PTPRQ: variants seen among roughly 807,000 people sequenced by gnomAD.
The protein encoded by PTPRQ is phosphatidylinositol phosphatase PTPRQ.
In PTPRQ, 199 loss-of-function variants were observed where a neutral mutation model predicts 246.0. The ratio of observed to expected loss-of-function variants is 0.81; its 90% CI spans 0.72 to 0.91. The LOEUF is 0.91. PTPRQ is among the 40% of genes least tolerant of loss of function. PTPRQ has a pLI of 0.00. For missense variants in PTPRQ, 2,624 were observed against 2,528.4 expected (o/e 1.04, Z -0.81); for synonymous variants, 869 against 853.2 (o/e 1.02, Z -0.32).
At chr12:80,602,358 G>A (rs149022069) in intron 26 of PTPRQ, among the ~76,000 whole-genome samples, 5 of 151,906 alleles carry the variant, frequency 3.3e-5, no homozygotes, top group Admixed American at 2.0e-4. Context: ...CTTATTCACA[G>A]TTTAAAGATT....
intron 39 of PTPRQ, among the ~76,000 whole-genome samples, chr12:80,662,080 A>G (rs1416936755): frequency 6.6e-6 from 1 of 151,940 alleles, no homozygotes; most frequent in African/African-American, 2.4e-5. Context: ...TTAATGAAAT[A>G]CCTTATCTTC....
At chr12:80,645,301 A>G (rs919121049) in intron 35 of PTPRQ, among the ~76,000 whole-genome samples, 7 of 149,190 alleles carry the variant, frequency 4.7e-5, no homozygotes, top group Admixed American at 1.5e-4. Flanking sequence ...TTAGACTCAC[A>G]TGCTTTTTGT....
chr12:80,528,356 C>T (rs955193817), intron 17 of PTPRQ, among the ~76,000 whole-genome samples: 2 of 151,934 alleles, frequency 1.3e-5, no homozygotes, highest in East Asian at 1.9e-4. Flanking sequence ...CCCATTGAAG[C>T]CAGAGGTTAT....
At chr12:80,662,825 C>G (rs1247266434) in intron 39 of PTPRQ, among the ~76,000 whole-genome samples, 1 of 151,972 alleles carries the variant, frequency 6.6e-6, no homozygotes. Flanking sequence ...AACCAGTAAA[C>G]TCTATATTCC....
intron 8 of PTPRQ, among the ~76,000 whole-genome samples, chr12:80,477,651 C>T (rs78539449): frequency 0.03 from 4,608 of 152,146 alleles, 265 homozygotes; most frequent in African/African-American, 0.11. Flanking sequence ...AGACAGTGGG[C>T]GCAGGTCAGT....
At chr12:80,558,213 T>G (rs562699703) in intron 25 of PTPRQ, among the ~76,000 whole-genome samples, 1 of 145,506 alleles carries the variant, frequency 6.9e-6, no homozygotes, top group East Asian at 2.0e-4. Flanking sequence ...TGTCATCCAG[T>G]CTGGAGTGCA....
Position 80,459,031 on chromosome 12 carries a change from AT to A in PTPRQ, c.461-246del, listed in dbSNP as rs1213916050. 7.2e-5 allele frequency among the ~76,000 whole-genome samples: 11 copies of A among 152,152 alleles called. 1 individual carries two copies. The East Asian group carries it at 1.7e-3, about 24-fold the overall frequency. On this transcript the variant is annotated intron_variant, in intron 4 of 44. Coordinates refer to ENST00000644991, the MANE Select transcript of PTPRQ (RefSeq NM_001145026.2). ...TTGTATATTCACAACTATTGATTGA[AT>A]TTTTTTCATACTTATTTGAAACGTT...
At chr12:80,674,743 A>G (rs1457669961) in intron 43 of PTPRQ, among the ~76,000 whole-genome samples, 1 of 152,220 alleles carries the variant, frequency 6.6e-6, no homozygotes, top group Non-Finnish European at 1.5e-5. Flanking sequence ...GTATTCTCAA[A>G]AAAGAAAATA....
At position 80,489,926 on chromosome 12, in the gene PTPRQ, A is replaced by G. The variant is rs531978913; in HGVS notation, c.1360-3349A>G. On this transcript the variant is annotated intron_variant, in intron 9 of 44. Coordinates refer to ENST00000644991, the MANE Select transcript of PTPRQ (RefSeq NM_001145026.2). Reference sequence around the variant, plus strand: ...TTACAGACTTCTGAGATTGATATAGATGCATCTTTTCATCCAACATATTCC... The same window carrying G: ...TTACAGACTTCTGAGATTGATATAGGTGCATCTTTTCATCCAACATATTCC... 2.2e-4 allele frequency among the ~76,000 whole-genome samples: 34 copies of G among 152,068 alleles called. No homozygotes were observed. The South Asian group carries it at 6.6e-3, about 30-fold the overall frequency.
chr12:80,481,312 C>T (rs1447997842), intron 8 of PTPRQ, among the ~76,000 whole-genome samples: 1 of 152,080 alleles, frequency 6.6e-6, no homozygotes, highest in Non-Finnish European at 1.5e-5. Context: ...AGGCCTTTGA[C>T]AAAATTCAAC....
At chr12:80,596,431 A>T (rs983061082) in intron 26 of PTPRQ, among the ~76,000 whole-genome samples, 2 of 151,636 alleles carry the variant, frequency 1.3e-5, no homozygotes, top group Non-Finnish European at 2.9e-5. Flanking sequence ...GTTTTTTTTT[A>T]AATCATCAAT....
chr12:80,483,469 A>T lies in PTPRQ; in HGVS notation c.1187-964A>T, dbSNP rs1026224053. On this transcript the variant is annotated intron_variant, in intron 8 of 44. Transcript: ENST00000644991. The stretch of plus-strand genomic sequence containing the variant: ...TGCAGCGCACCAGCGTGGCACATGT[A>T]TACATATGTAACTAACCTGCACAAT... Among the ~76,000 whole-genome samples the T allele has an allele frequency of 1.1e-4, 16 of 151,420 alleles. No homozygotes were observed. The East Asian group carries it at 1.4e-3, about 13-fold the overall frequency.
At chr12:80,654,541 A>G (rs773592588) in intron 38 of PTPRQ, among the ~76,000 whole-genome samples, 8 of 151,972 alleles carry the variant, frequency 5.3e-5, no homozygotes, top group Non-Finnish European at 1.0e-4. Flanking sequence ...AATAATTAGT[A>G]TTTTTTCAAT....
chr12:80,557,802 C>T (rs1250617323), intron 25 of PTPRQ, among the ~76,000 whole-genome samples: 1 of 152,056 alleles, frequency 6.6e-6, no homozygotes, highest in Non-Finnish European at 1.5e-5. Flanking sequence ...GATGGAAAAC[C>T]TTTCCATCAG....
chr12:80,608,238 C>T (rs1304661033), intron 27 of PTPRQ, among the ~76,000 whole-genome samples: 2 of 150,462 alleles, frequency 1.3e-5, no homozygotes, highest in African/African-American at 4.9e-5. Flanking sequence ...TGATGAAAGA[C>T]ATTTTATAAC....
intron 35 of PTPRQ, 131 bp downstream of exon 35, chr12:80,635,204 T>C: frequency 7.4e-7 from 1 of 1,359,982 alleles, no homozygotes; most frequent in South Asian, 1.7e-5. Context: ...TTTCAAAGAG[T>C]GACCTCCGTC....
chr12:80,664,515 C>A (rs1264608077), intron 39 of PTPRQ, among the ~76,000 whole-genome samples: 1 of 151,994 alleles, frequency 6.6e-6, no homozygotes, highest in Non-Finnish European at 1.5e-5. Flanking sequence ...TCTGCATCAT[C>A]ATTTTTTCTC....
intron 17 of PTPRQ, among the ~76,000 whole-genome samples, chr12:80,514,293 G>A (rs4326866): frequency 6.7e-6 from 1 of 150,252 alleles, no homozygotes; most frequent in African/African-American, 2.5e-5. Flanking sequence ...CTCTGTGGTC[G>A]CAAATAATCC....
At chr12:80,516,718 T>TA (rs1189109477) in intron 17 of PTPRQ, among the ~76,000 whole-genome samples, 2 of 152,226 alleles carry the variant, frequency 1.3e-5, no homozygotes, top group African/African-American at 4.8e-5. Context: ...TTCACCGTGT[T>TA]AAAAATGACC....
Sources: allele counts gnomAD v4.1 joint callset (sites outside exome capture counted in the v4.1 genomes callset), GRCh38; gene constraint gnomAD v4.1.1; transcripts MANE v1.5; gene names NCBI Gene and HGNC (gene_info 2026-07-23, HGNC 2026-07-21).